The following ARHGAP42 variants were observed in gnomAD, a reference collection of about 807,000 sequenced individuals.
The protein encoded by ARHGAP42 is Rho GTPase activating protein 42.
Under a neutral mutation model 125.0 loss-of-function variants are expected in ARHGAP42, and 63 were observed. That is an observed-to-expected ratio of 0.50 (90% confidence interval 0.41 to 0.62). ARHGAP42 has a LOEUF of 0.62. Among genes scored for constraint, ARHGAP42 ranks in the 20% least tolerant of loss-of-function variants. ARHGAP42 has a pLI of 0.00. For synonymous variants in ARHGAP42, 339 were observed against 351.0 expected (o/e 0.97, Z 0.38); for missense variants, 766 against 1,024.2 (o/e 0.75, Z 3.44).
intron 3 of ARHGAP42, among the ~76,000 whole-genome samples, chr11:100,811,238 G>A (rs777509727): frequency 5.9e-5 from 9 of 152,190 alleles, no homozygotes; most frequent in African/African-American, 9.6e-5. Flanking sequence ...TGATAGGCGC[G>A]AGCTACCATG....
intron 3 of ARHGAP42, among the ~76,000 whole-genome samples, chr11:100,796,617 G>A (rs1863722662): frequency 6.6e-6 from 1 of 152,066 alleles, no homozygotes; most frequent in South Asian, 2.1e-4. Context: ...GAAATTAAAA[G>A]TACTAGTCTA....
At chr11:100,722,999 G>C (rs1861791207) in intron 1 of ARHGAP42, among the ~76,000 whole-genome samples, 2 of 152,136 alleles carry the variant, frequency 1.3e-5, no homozygotes, top group Non-Finnish European at 2.9e-5. Flanking sequence ...TCTATATCTA[G>C]ATTTATTATT....
At chr11:100,845,485 C>T (rs1865044459) in intron 3 of ARHGAP42, among the ~76,000 whole-genome samples, 1 of 151,926 alleles carries the variant, frequency 6.6e-6, no homozygotes, top group South Asian at 2.1e-4. Context: ...CACCTGTTTT[C>T]CAATAACCTA....
chr11:100,882,981 G>C (rs1057314624), intron 4 of ARHGAP42, among the ~76,000 whole-genome samples: 6 of 151,872 alleles, frequency 4.0e-5, no homozygotes, highest in African/African-American at 1.5e-4. Flanking sequence ...GACCTTATTT[G>C]GATTTTCTCT....
chr11:100,774,037 C>T (rs112466222), intron 2 of ARHGAP42, among the ~76,000 whole-genome samples: 2,598 of 152,276 alleles, frequency 0.017, 74 homozygotes, highest in African/African-American at 0.059. Flanking sequence ...TGGAACAACT[C>T]CTGTAAAAAT....
intron 3 of ARHGAP42, among the ~76,000 whole-genome samples, chr11:100,814,139 G>A (rs562543859): frequency 3.3e-5 from 5 of 152,234 alleles, no homozygotes; most frequent in African/African-American, 1.2e-4. Context: ...GTTACAGTGA[G>A]CAGAGGTCGC....
At chr11:100,757,250 T>C (rs1862598508) in intron 1 of ARHGAP42, among the ~76,000 whole-genome samples, 1 of 152,176 alleles carries the variant, frequency 6.6e-6, no homozygotes, top group Non-Finnish European at 1.5e-5. Context: ...CATCCATAGT[T>C]ATTTAAGGTG....
chr11:100,812,723 G>A (rs1864177026), intron 3 of ARHGAP42, among the ~76,000 whole-genome samples: 3 of 152,230 alleles, frequency 2.0e-5, no homozygotes, highest in Admixed American at 1.3e-4. Context: ...TGCTCGGACT[G>A]TTTGAGGAGG....
At chr11:100,720,673 T>A (rs1475672764) in intron 1 of ARHGAP42, among the ~76,000 whole-genome samples, 2 of 118,158 alleles carry the variant, frequency 1.7e-5, no homozygotes, top group Non-Finnish European at 3.5e-5. Flanking sequence ...ACTGTATTGG[T>A]TGAGATAACC....
At chr11:100,762,294 A>C (rs1352419628) in intron 1 of ARHGAP42, among the ~76,000 whole-genome samples, 1 of 152,200 alleles carries the variant, frequency 6.6e-6, no homozygotes, top group African/African-American at 2.4e-5. Flanking sequence ...GGAATACAGC[A>C]CATTACTGTA....
intron 1 of ARHGAP42, among the ~76,000 whole-genome samples, chr11:100,718,641 C>T (rs1428783461): frequency 6.6e-6 from 1 of 152,092 alleles, no homozygotes; most frequent in Non-Finnish European, 1.5e-5. Context: ...AAGTGTATTT[C>T]TGAACAAGAA....
intron 16 of ARHGAP42, among the ~76,000 whole-genome samples, chr11:100,965,023 T>TA (rs896098093): frequency 6.6e-6 from 1 of 152,052 alleles, no homozygotes; most frequent in African/African-American, 2.4e-5. Context: ...TCGGGAAACT[T>TA]ACAATCATGG....
At chr11:100,860,083 C>A (rs1034223918) in intron 4 of ARHGAP42, among the ~76,000 whole-genome samples, 1 of 151,764 alleles carries the variant, frequency 6.6e-6, no homozygotes, top group Non-Finnish European at 1.5e-5. Flanking sequence ...GACTATGGAC[C>A]AATTAAATTT....
chr11:100,885,178 G>A (rs1866061703), intron 4 of ARHGAP42, among the ~76,000 whole-genome samples: 1 of 152,298 alleles, frequency 6.6e-6, no homozygotes, highest in South Asian at 2.1e-4. Context: ...CTAGTTTGAG[G>A]AAAGTAAACA....
chr11:100,924,086 G>T (rs1403926771), intron 6 of ARHGAP42, among the ~76,000 whole-genome samples: 1 of 152,028 alleles, frequency 6.6e-6, no homozygotes, highest in Non-Finnish European at 1.5e-5. Context: ...TCCAATTCTT[G>T]TTTGCATTGC....
intron 22 of ARHGAP42, among the ~76,000 whole-genome samples, chr11:100,986,848 G>GAA (rs556346930): frequency 7.0e-6 from 1 of 143,310 alleles, no homozygotes; most frequent in African/African-American, 2.6e-5. Context: ...GACTTCACTT[G>GAA]AAAAAAAAAA....
At chr11:100,913,893 C>T (rs1352668853) in intron 5 of ARHGAP42, among the ~76,000 whole-genome samples, 5 of 152,148 alleles carry the variant, frequency 3.3e-5, no homozygotes, top group Non-Finnish European at 1.5e-5. Flanking sequence ...GGCCTTGCTT[C>T]AGCGTTGTGG....
At chr11:100,896,678 A>G (rs1212700992) in intron 4 of ARHGAP42, among the ~76,000 whole-genome samples, 2 of 151,970 alleles carry the variant, frequency 1.3e-5, no homozygotes, top group African/African-American at 4.8e-5. Context: ...CCACTTTTTG[A>G]TGAGGTTCTT....
chr11:100,813,247 T>C (rs1409938940), intron 3 of ARHGAP42, among the ~76,000 whole-genome samples: 2 of 152,098 alleles, frequency 1.3e-5, no homozygotes, highest in Non-Finnish European at 2.9e-5. Flanking sequence ...TTGTAGGATG[T>C]TTAGCAATAT....
Sources: gnomAD v4.1 joint callset for allele counts (sites outside exome capture counted in the v4.1 genomes callset) on GRCh38, gnomAD v4.1.1 for gene constraint, MANE v1.5 for transcripts, NCBI Gene and HGNC (gene_info 2026-07-23, HGNC 2026-07-21) for gene names.